ACSF2: variants seen among roughly 807,000 people sequenced by gnomAD.
ACSF2 encodes acyl-CoA synthetase family member 2.
In ACSF2, 52 loss-of-function variants were observed where a neutral mutation model predicts 79.3. The ratio of observed to expected loss-of-function variants is 0.66; its 90% CI spans 0.53 to 0.83. The LOEUF (loss-of-function observed/expected upper bound fraction) is 0.83. Ranked by LOEUF, ACSF2 falls within the 40% of genes least tolerant of loss-of-function variation. ACSF2 has a pLI of 0.00. For missense variants in ACSF2, 661 were observed against 803.3 expected (o/e 0.82, Z 2.14); for synonymous variants, 283 against 312.6 (o/e 0.91, Z 1.00).
intron 1 of ACSF2, among the ~76,000 whole-genome samples, chr17:50,430,894 C>T (rs1443968990): frequency 2.0e-5 from 3 of 152,172 alleles, no homozygotes; most frequent in Non-Finnish European, 2.9e-5. Context: ...GGGCTTGACA[C>T]ATTTTGCATA....
chr17:50,463,404 C>G lies in ACSF2; in HGVS notation c.898C>G (p.Gln300Glu). The change falls in exon 8 of 16, where the codon CAG (glutamine) becomes GAG (glutamate). Residue 300 changes from glutamine (Q) to glutamate (E), a missense_variant. Coordinates refer to ENST00000300441, the MANE Select transcript of ACSF2 (RefSeq NM_025149.6). The surrounding 1 kb of genome is among the most constrained non-coding windows in gnomAD (Gnocchi z 4.6). Reference protein sequence around the residue: ...RLKLHEKTPEQLRMILPNPLY... With the variant: ...RLKLHEKTPEELRMILPNPLY... The stretch of plus-strand genomic sequence containing the variant: ...CTGTCTCCATCACCAGACACCAGAG[C>G]AGTTGCGGATGATCCTGCCCAACCC... The G allele has an allele frequency of 6.2e-7, 1 of 1,613,932 alleles. No individual in the cohort carries two copies. The highest frequency in any genetic ancestry group is 8.5e-7 in the Non-Finnish European group (1 of 1,179,940).
chr17:50,438,377 C>T (rs1380257769), intron 1 of ACSF2, among the ~76,000 whole-genome samples: 1 of 152,138 alleles, frequency 6.6e-6, no homozygotes, highest in Non-Finnish European at 1.5e-5. Context: ...GAAGAGTTGA[C>T]ATTTTCAGCT....
At position 50,474,359 on chromosome 17, in the gene ACSF2, A is replaced by G; in HGVS notation, c.1797+92A>G. ...GTTTCCTTCAGCAATGGGTGTGGAG[A>G]GACTGGCAGTAGGGTGACCGGGTCA... On this transcript the variant is annotated intron_variant, in intron 15 of 15. Transcript: ENST00000300441. The surrounding 1 kb of genome is among the most constrained non-coding windows in gnomAD (Gnocchi z 4.2). The G allele has an allele frequency of 1.3e-6, 2 of 1,537,076 alleles. No homozygotes were observed. Among genetic ancestry groups the G allele is most frequent in the Non-Finnish European group, 1.8e-6 (2 of 1,112,960 alleles).
At chr17:50,448,151 C>T (rs1312901943) in intron 1 of ACSF2, among the ~76,000 whole-genome samples, 2 of 151,904 alleles carry the variant, frequency 1.3e-5, no homozygotes, top group African/African-American at 4.8e-5. Context: ...CTATTACACA[C>T]CTAGAGCCTG....
At chr17:50,439,452 G>A (rs1237426335) in intron 1 of ACSF2, among the ~76,000 whole-genome samples, 4 of 152,112 alleles carry the variant, frequency 2.6e-5, no homozygotes, top group Non-Finnish European at 5.9e-5. Flanking sequence ...GTGTGTTACA[G>A]ATCTATTCAT....
rs142732662 is a variant in ACSF2 at position 50,466,180 on chromosome 17, G to A, written c.1215+1886G>A. Among the ~76,000 whole-genome samples, 726 of 148,470 alleles carry A rather than the reference G, an allele frequency of 4.9e-3. 4 individuals carry two copies. Among genetic ancestry groups the A allele is most frequent in the African/African-American group, 0.017 (656 of 39,662 alleles). ...CAGCTCACTGCAAGCTCCGCCTCCC[G>A]GGTTCACGCCATTCTCCGGCCTCAG... On this transcript the variant is annotated intron_variant, in intron 10 of 15. Coordinates refer to ENST00000300441, the MANE Select transcript of ACSF2 (RefSeq NM_025149.6).
At chr17:50,429,866 A>G (rs1043866615) in intron 1 of ACSF2, among the ~76,000 whole-genome samples, 10 of 152,212 alleles carry the variant, frequency 6.6e-5, no homozygotes, top group Admixed American at 5.2e-4. Context: ...TTTGCTCTCC[A>G]GAACTCCTCA....
chr17:50,457,086 A>T (rs973329573), intron 1 of ACSF2, among the ~76,000 whole-genome samples: 2 of 145,848 alleles, frequency 1.4e-5, no homozygotes, highest in African/African-American at 2.5e-5. Context: ...GACAAACAAT[A>T]AAAAAAAAAA....
At position 50,471,185 on chromosome 17, in the gene ACSF2, G is replaced by A; in HGVS notation, c.1323+50G>A. 6.6e-7 allele frequency: 1 copy of A among 1,516,516 alleles called. No individual in the cohort carries two copies. The allele number at this position is 1,516,516 out of a possible 1,614,324, so 93.9% of individuals were successfully genotyped here. A position where few individuals can be genotyped will look rare whatever the true frequency, so the allele number is the denominator to read the frequency against. ...AGTCCCACCTCCCGTCACCCAGCTG[G>A]GGTGCACCCAGCTGGGACATCGGTT... is the stretch of plus-strand genomic sequence containing the variant. On this transcript the variant is annotated intron_variant, in intron 11 of 15. Transcript: ENST00000300441. This position sits in a 1 kb window ranked among gnomAD's most constrained non-coding sequence, Gnocchi z 4.1.
chr17:50,474,786 T>C lies in ACSF2; in HGVS notation c.*234T>C, dbSNP rs538550364. ...CCCTCCCTCCTGTCCATCCCCCACA[T>C]TCCCCTGTCTGTCCTTGTGATTTGG... On this transcript the variant is annotated 3_prime_UTR_variant, in exon 16 of 16. Coordinates refer to ENST00000300441, the MANE Select transcript of ACSF2 (RefSeq NM_025149.6). The surrounding 1 kb of genome is among the most constrained non-coding windows in gnomAD (Gnocchi z 4.2). 5.0e-5 allele frequency: 27 copies of C among 538,502 alleles called. No individual in the cohort carries two copies. The African/African-American group carries it at 5.2e-4, about 10-fold the overall frequency. 33.4% of individuals were successfully genotyped at this position (538,502 alleles called of 1,614,324 possible).
chr17:50,426,453 C>G, intron 1 of ACSF2, 64 bp downstream of exon 1: 2 of 1,270,546 alleles, frequency 1.6e-6, no homozygotes, highest in Non-Finnish European at 2.0e-6. Flanking sequence ...CTTGGAGGTC[C>G]CGGCGAGCTT....
intron 1 of ACSF2, among the ~76,000 whole-genome samples, chr17:50,457,007 G>A (rs2032052902): frequency 6.6e-6 from 1 of 152,128 alleles, no homozygotes; most frequent in African/African-American, 2.4e-5. Context: ...CGAGGCTTCA[G>A]TGAGCCATGG....
At chr17:50,451,631 G>A (rs1376547679) in intron 1 of ACSF2, among the ~76,000 whole-genome samples, 1 of 152,148 alleles carries the variant, frequency 6.6e-6, no homozygotes. Flanking sequence ...TGTATTTTTA[G>A]TAGAGACAAG....
At chr17:50,428,703 A>G (rs2143456885) in intron 1 of ACSF2, among the ~76,000 whole-genome samples, 1 of 152,258 alleles carries the variant, frequency 6.6e-6, no homozygotes, top group Non-Finnish European at 1.5e-5. Flanking sequence ...AATTACTTGA[A>G]CCTGGGAAGC....
intron 10 of ACSF2, among the ~76,000 whole-genome samples, chr17:50,470,358 T>G (rs2033051777): frequency 6.6e-6 from 1 of 152,154 alleles, no homozygotes; most frequent in African/African-American, 2.4e-5. Flanking sequence ...CTTCTGGTTT[T>G]TCTGTTGCTC....
intron 1 of ACSF2, among the ~76,000 whole-genome samples, chr17:50,457,236 C>T (rs1183186089): frequency 6.6e-6 from 1 of 152,196 alleles, no homozygotes; most frequent in African/African-American, 2.4e-5. Context: ...ATTCTGTTCC[C>T]ATAGGAGAAG....
intron 10 of ACSF2, chr17:50,468,907 A>G: frequency 7.0e-7 from 1 of 1,423,714 alleles, no homozygotes; most frequent in Non-Finnish European, 9.1e-7. Flanking sequence ...CGCCCTCTTT[A>G]TACGGTGGCC....
chr17:50,463,109 G>A lies in ACSF2; in HGVS notation c.793-47G>A, dbSNP rs1350929243. 2 of 1,523,980 alleles carry A rather than the reference G, an allele frequency of 1.3e-6. No individual in the cohort carries two copies. Among genetic ancestry groups the A allele is most frequent in the African/African-American group, 2.7e-5 (2 of 72,930 alleles). 94.4% of individuals were successfully genotyped at this position (1,523,980 alleles called of 1,614,324 possible). On this transcript the variant is annotated intron_variant, in intron 6 of 15. Transcript: ENST00000300441. This position sits in a 1 kb window ranked among gnomAD's most constrained non-coding sequence, Gnocchi z 4.6. The stretch of plus-strand genomic sequence containing the variant: ...TCTTCAAGGCAGTGGCCCAGGGTGG[G>A]AAGGAGATGAGAAGGAGGCCAAGCC...
intron 10 of ACSF2, chr17:50,469,782 A>G (rs1024036613): frequency 3.9e-5 from 6 of 152,380 alleles, no homozygotes; most frequent in African/African-American, 1.4e-4. Flanking sequence ...GGCAGATGCC[A>G]CATTCGGGCG....
Sources: gnomAD v4.1 joint callset for allele counts (sites outside exome capture counted in the v4.1 genomes callset) on GRCh38, gnomAD v4.1.1 for gene constraint, Gnocchi (gnomAD v3.1) non-coding constraint, MANE v1.5 for transcripts, NCBI Gene and HGNC (gene_info 2026-07-23, HGNC 2026-07-21) for gene names.